Variants in PXK observed in about 807,000 individuals in gnomAD.
PXK encodes the protein PX domain containing serine/threonine kinase like.
A neutral mutation model predicts 84.7 loss-of-function variants in PXK; 35 were observed. The observed-to-expected ratio is 0.41, with a 90% CI of 0.32 to 0.55. The LOEUF (loss-of-function observed/expected upper bound fraction) is 0.55, where lower values mean the gene tolerates loss of function less well. Among genes scored for constraint, PXK ranks in the 20% least tolerant of loss-of-function variants. The pLI is 0.21. For missense variants in PXK, 634 were observed against 699.7 expected, an observed-to-expected ratio of 0.91 and a Z score of 1.06; for synonymous variants, 253 against 260.8, an observed-to-expected ratio of 0.97 and a Z score of 0.29.
intron 17 of PXK, 167 bp downstream of exon 17, chr3:58,413,130 G>A (rs965966816): frequency 1.9e-5 from 14 of 723,508 alleles, no homozygotes; most frequent in Non-Finnish European, 3.0e-5. Flanking sequence ...GGAGAGCTGA[G>A]GGGCTAGATT....
At chr3:58,365,482 G>T (rs1373765257) in intron 1 of PXK, among the ~76,000 whole-genome samples, 1 of 152,210 alleles carries the variant, frequency 6.6e-6, no homozygotes, top group East Asian at 1.9e-4. Context: ...CTCTATAAAT[G>T]CTAATTAAAT....
At chr3:58,367,038 A>T (rs2098281948) in intron 2 of PXK, among the ~76,000 whole-genome samples, 1 of 152,146 alleles carries the variant, frequency 6.6e-6, no homozygotes, top group South Asian at 2.1e-4. Context: ...AGTTTTCTAG[A>T]TCCATTGCAT....
intron 3 of PXK, 34 bp downstream of exon 3, chr3:58,369,512 A>T: frequency 6.4e-7 from 1 of 1,565,308 alleles, no homozygotes; most frequent in Non-Finnish European, 8.8e-7. Flanking sequence ...ACACACATTG[A>T]TTACTTGGGG....
At chr3:58,374,246 C>G (rs1439784651) in intron 3 of PXK, among the ~76,000 whole-genome samples, 1 of 150,384 alleles carries the variant, frequency 6.6e-6, no homozygotes, top group African/African-American at 2.4e-5. Flanking sequence ...ATCGTGCTCA[C>G]TGCAACCTCC....
chr3:58,341,983 C>T (rs372171694), intron 1 of PXK, among the ~76,000 whole-genome samples: 10 of 152,202 alleles, frequency 6.6e-5, no homozygotes, highest in African/African-American at 2.4e-4. Context: ...GGATTACAAG[C>T]GTGAGCCAAC....
At chr3:58,334,243 G>T (rs2107578266) in intron 1 of PXK, among the ~76,000 whole-genome samples, 1 of 152,282 alleles carries the variant, frequency 6.6e-6, no homozygotes, top group South Asian at 2.1e-4. Flanking sequence ...GCTTTGTAGG[G>T]CTTGAATTGT....
intron 3 of PXK, 133 bp downstream of exon 3, chr3:58,369,611 A>C: frequency 1.6e-6 from 1 of 630,112 alleles, no homozygotes. Context: ...GGATCACCTG[A>C]GGTCAGGCGT....
chr3:58,334,959 C>G (rs35740866), intron 1 of PXK, among the ~76,000 whole-genome samples: 52,904 of 124,738 alleles, frequency 0.42, 10,641 homozygotes, highest in African/African-American at 0.45. Context: ...GTGTGTGTGT[C>G]TGTGTGTGTG....
intron 3 of PXK, among the ~76,000 whole-genome samples, chr3:58,381,701 A>C (rs2098504983): frequency 6.6e-6 from 1 of 152,196 alleles, no homozygotes; most frequent in Non-Finnish European, 1.5e-5. Flanking sequence ...AGGATTAGGG[A>C]CAGGATGTGT....
Position 58,401,277 on chromosome 3 carries a change from T to G in PXK, c.1181+1900T>G, listed in dbSNP as rs1207906399. Among the ~76,000 whole-genome samples the G allele has an allele frequency of 6.6e-6, 1 of 152,128 alleles. No individual in the cohort carries two copies. Among genetic ancestry groups the G allele is most frequent in the Non-Finnish European group, 1.5e-5 (1 of 68,012 alleles). ...CCCTGAAGAGCCCTGTGGGGAAAGC[T>G]AATCCTGTCATTTCTACTTGTGATG... On this transcript the variant is annotated intron_variant, in intron 12 of 17. Coordinates refer to ENST00000356151, the MANE Select transcript of PXK (RefSeq NM_017771.5). The surrounding 1 kb of genome is among the most constrained non-coding windows in gnomAD (Gnocchi z 4.4).
At chr3:58,366,437 A>G (rs906486447) in intron 2 of PXK, among the ~76,000 whole-genome samples, 4 of 152,272 alleles carry the variant, frequency 2.6e-5, no homozygotes, top group African/African-American at 7.2e-5. Flanking sequence ...CTCAGAGAGA[A>G]AAGAATTCCT....
In PXK at chr3:58,333,078, G is replaced by C; in HGVS notation, c.90G>C (p.Leu30=). 2.3e-6 allele frequency: 3 copies of C among 1,312,226 alleles called. No homozygotes were observed. Among genetic ancestry groups the C allele is most frequent in the Admixed American group, 5.5e-5 (2 of 36,660 alleles). The allele number at this position is 1,312,226 out of a possible 1,614,324, so 81.3% of individuals were successfully genotyped here. ...CAGCCATCGAGGCGAGCCAGAGCCT[G>C]CAGTCCCACACGGTGCGCGGCCCAG... is the stretch of plus-strand genomic sequence containing the variant. ...LTAAIEASQS[L]QSHTEYIIRV... Residue 30 remains leucine (L), a synonymous_variant, in exon 1 of 18, where the codon CTG becomes CTC. Transcript: ENST00000356151. This position sits in a 1 kb window ranked among gnomAD's most constrained non-coding sequence, Gnocchi z 5.4.
intron 1 of PXK, among the ~76,000 whole-genome samples, chr3:58,348,812 T>C (rs1575771586): frequency 6.6e-6 from 1 of 150,528 alleles, no homozygotes; most frequent in Non-Finnish European, 1.5e-5. Flanking sequence ...ACTCAGGAGG[T>C]TGAGTAGAAG....
intron 12 of PXK, 21 bp from the exon 13 acceptor site, chr3:58,403,837 TTTTG>T (rs1363898180): frequency 1.3e-6 from 2 of 1,502,480 alleles, no homozygotes; most frequent in Admixed American, 1.8e-5. Context: ...CAAGAAAGAT[TTTTG>T]TTTGTTTCTT....
At position 58,333,793 on chromosome 3, in the gene PXK, T is replaced by G. The variant is rs1490683863; in HGVS notation, c.102+703T>G. Reference sequence around the variant, plus strand: ...ATAAAGGAGTAATAGGTCCTCATAGTAAACATTGGCAGGGTTCATTTCTGC... The same window carrying G: ...ATAAAGGAGTAATAGGTCCTCATAGGAAACATTGGCAGGGTTCATTTCTGC... On this transcript the variant is annotated intron_variant, in intron 1 of 17. Coordinates refer to ENST00000356151, the MANE Select transcript of PXK (RefSeq NM_017771.5). The surrounding 1 kb of genome is among the most constrained non-coding windows in gnomAD (Gnocchi z 5.4). Among the ~76,000 whole-genome samples the G allele has an allele frequency of 6.6e-6, 1 of 152,178 alleles. No individual in the cohort carries two copies. Among genetic ancestry groups the G allele is most frequent in the Non-Finnish European group, 1.5e-5 (1 of 68,030 alleles).
In PXK at chr3:58,364,609, G is replaced by T. The variant is rs959340443; in HGVS notation, c.103-1265G>T. Among the ~76,000 whole-genome samples the T allele has an allele frequency of 1.6e-4, 24 of 152,116 alleles. No individual in the cohort carries two copies. Among genetic ancestry groups the T allele is most frequent in the Non-Finnish European group, 3.1e-4 (21 of 68,024 alleles). ...CACCTGTAATCCCAGCTACTCAGGA[G>T]GCTGAGGCAGGAGAATTGCTTGAAC... On this transcript the variant is annotated intron_variant, in intron 1 of 17. Transcript: ENST00000356151. This position sits in a 1 kb window ranked among gnomAD's most constrained non-coding sequence, Gnocchi z 4.3.
intron 1 of PXK, among the ~76,000 whole-genome samples, chr3:58,363,503 G>A (rs978387012): frequency 6.6e-6 from 1 of 151,868 alleles, no homozygotes; most frequent in African/African-American, 2.4e-5. Flanking sequence ...TTTTATTTTT[G>A]TAGAGACGAG....
In PXK at chr3:58,409,423, G is replaced by A. The variant is rs1038506682; in HGVS notation, c.1309-109G>A. 1.9e-6 allele frequency: 2 copies of A among 1,028,094 alleles called. No individual in the cohort carries two copies. The highest frequency in any genetic ancestry group is 2.3e-5 in the Admixed American group (1 of 42,950). 63.7% of individuals were successfully genotyped at this position (1,028,094 alleles called of 1,614,324 possible). A position where few individuals can be genotyped will look rare whatever the true frequency, so the allele number is the denominator to read the frequency against. The stretch of plus-strand genomic sequence containing the variant: ...GAAGTAGACAGCCTGAGCAAGGAAA[G>A]ATTTTCTTTTATCCCAATAAAATGT... On this transcript the variant is annotated intron_variant, in intron 14 of 17. Transcript: ENST00000356151. This position sits in a 1 kb window ranked among gnomAD's most constrained non-coding sequence, Gnocchi z 4.2.
chr3:58,409,804 G>A lies in PXK; in HGVS notation c.1395+186G>A, dbSNP rs1576706212. Among the ~76,000 whole-genome samples, 2 of 151,934 alleles carry A rather than the reference G, an allele frequency of 1.3e-5. No homozygotes were observed. The highest frequency in any genetic ancestry group is 2.1e-4 in the South Asian group (1 of 4,826). ...AAAAAGAGTCATATGATAATCAGCC[G>A]AGAAATAGCCCATGTAGTTTCCTAG... On this transcript the variant is annotated intron_variant, in intron 15 of 17. Coordinates refer to ENST00000356151, the MANE Select transcript of PXK (RefSeq NM_017771.5). The surrounding 1 kb of genome is among the most constrained non-coding windows in gnomAD (Gnocchi z 4.2).
Sources: gnomAD v4.1 joint callset for allele counts (sites outside exome capture counted in the v4.1 genomes callset) on GRCh38, gnomAD v4.1.1 for gene constraint, Gnocchi (gnomAD v3.1) non-coding constraint, MANE v1.5 for transcripts, NCBI Gene and HGNC (gene_info 2026-07-23, HGNC 2026-07-21) for gene names.